The following FIGLA variants were observed in gnomAD, a reference collection of about 807,000 sequenced individuals.
FIGLA encodes factor in the germline alpha.
Under a neutral mutation model 21.5 loss-of-function variants are expected in FIGLA, and 17 were observed. The observed-to-expected ratio is 0.79, with a 90% CI of 0.54 to 1.19. The LOEUF (loss-of-function observed/expected upper bound fraction) is 1.19, where lower values mean the gene tolerates loss of function less well. FIGLA is among the 50% of genes most tolerant of loss of function. The pLI, the probability that FIGLA is intolerant of heterozygous loss-of-function variation, is 0.00. For synonymous variants in FIGLA, 129 were observed against 117.6 expected (o/e 1.10, Z -0.63); for missense variants, 282 against 285.0 (o/e 0.99, Z 0.08).
chr2:70,780,091 A>G lies in FIGLA; in HGVS notation c.610-2420T>C, dbSNP rs182059126. 5.3e-5 allele frequency among the ~76,000 whole-genome samples: 8 copies of G among 152,244 alleles called. No homozygotes were observed. In the East Asian group the frequency reaches 1.5e-3, roughly 29 times the overall value. ...TCTCTGTCTGCACGAATACTTGCCA[A>G]TTCATTCCCCGAGTGAACTTCTGGG... On this transcript the variant is annotated intron_variant, in intron 3 of 4. Coordinates refer to ENST00000332372, the MANE Select transcript of FIGLA (RefSeq NM_001004311.3).
intron 3 of FIGLA, among the ~76,000 whole-genome samples, chr2:70,781,615 A>G (rs970860190): frequency 1.3e-5 from 2 of 152,238 alleles, no homozygotes; most frequent in African/African-American, 4.8e-5. Context: ...CTCAGCAAAA[A>G]GCAGAGGAAC....
intron 4 of FIGLA, 26 bp from the exon 5 acceptor site, chr2:70,777,408 TA>T: frequency 6.9e-7 from 1 of 1,449,860 alleles, no homozygotes; most frequent in Non-Finnish European, 9.2e-7. Flanking sequence ...CATTCCATTA[TA>T]AATAGTTAAA....
intron 3 of FIGLA, among the ~76,000 whole-genome samples, chr2:70,779,566 G>T (rs367986258): frequency 1.3e-5 from 2 of 152,136 alleles, no homozygotes. Context: ...ACAGATTACC[G>T]CAACTTGGAA....
chr2:70,785,631 G>T lies in FIGLA; in HGVS notation c.393C>A (p.Asp131Glu). The change falls in exon 3 of 5, where the codon GAC becomes GAA. Residue 131 changes from aspartate (D) to glutamate (E), a missense_variant. Coordinates refer to ENST00000332372, the MANE Select transcript of FIGLA (RefSeq NM_001004311.3). ...LEGAKDSKKQ[D>E]PDEQSYSNNS... ...TGTTACTATAGCTCTGCTCATCTGG[G>T]TCTTGTTTCTGGAAACCATATTTAG... 2.5e-6 allele frequency: 4 copies of T among 1,613,138 alleles called. No individual in the cohort carries two copies. Among genetic ancestry groups the T allele is most frequent in the Non-Finnish European group, 3.4e-6 (4 of 1,179,202 alleles).
At position 70,785,447 on chromosome 2, in the gene FIGLA, T is replaced by TAGACTGAA; in HGVS notation, c.576_577insTTCAGTCT (p.Thr193PhefsTer20). On this transcript the variant is annotated frameshift_variant, in exon 3 of 5. Transcript: ENST00000332372. LOFTEE classifies it high-confidence loss of function. ...CTGGTTGGGGAGATAATTTCAGTCG[T>TAGACTGAA]AGACATCACACTGTGGCGACAAGCG... 1 of 1,613,886 alleles carries TAGACTGAA rather than the reference T, an allele frequency of 6.2e-7. No individual in the cohort carries two copies.
intron 1 of FIGLA, 74 bp from the exon 2 acceptor site, chr2:70,787,875 G>A (rs369592473): frequency 1.3e-5 from 19 of 1,509,350 alleles, no homozygotes; most frequent in African/African-American, 9.8e-5. Context: ...TACAGAAGGG[G>A]GTTGTTTCCA....
intron 3 of FIGLA, among the ~76,000 whole-genome samples, chr2:70,784,078 A>C (rs189593374): frequency 8.6e-5 from 13 of 151,506 alleles, no homozygotes; most frequent in Admixed American, 8.5e-4. Flanking sequence ...TTGACTGGCC[A>C]GCGAAATCTT....
intron 3 of FIGLA, among the ~76,000 whole-genome samples, chr2:70,780,225 GACCCCATCT>G (rs1553388922): frequency 6.6e-6 from 1 of 152,032 alleles, no homozygotes; most frequent in African/African-American, 2.4e-5. Flanking sequence ...AGCCTGCTCT[GACCCCATCT>G]CCAAATCCCC....
rs1676038354 is a variant in FIGLA at position 70,790,352 on chromosome 2, G to A, written c.231+56C>T. On this transcript the variant is annotated intron_variant, in intron 1 of 4. Coordinates refer to ENST00000332372, the MANE Select transcript of FIGLA (RefSeq NM_001004311.3). ...GCGGACCCCCGGGTGTTGACCAGGTGTTTGGTGGTAGAGCAGGGAAGGGGG... is the reference window on the plus strand; with the variant it reads ...GCGGACCCCCGGGTGTTGACCAGGTATTTGGTGGTAGAGCAGGGAAGGGGG... 6.9e-6 allele frequency: 10 copies of A among 1,459,120 alleles called. No individual in the cohort carries two copies. In the South Asian group the frequency reaches 8.0e-5, roughly 12 times the overall value. 90.4% of individuals were successfully genotyped at this position (1,459,120 alleles called of 1,614,324 possible).
intron 1 of FIGLA, among the ~76,000 whole-genome samples, 175 bp downstream of exon 1, chr2:70,790,233 G>T (rs1177862253): frequency 6.6e-6 from 1 of 152,234 alleles, no homozygotes; most frequent in Non-Finnish European, 1.5e-5. Context: ...GCACGGAGGT[G>T]CAGAAGAAGG....
At chr2:70,790,342 T>C in intron 1 of FIGLA, 66 bp downstream of exon 1, 1 of 1,429,354 alleles carries the variant, frequency 7.0e-7, no homozygotes, top group Non-Finnish European at 9.2e-7. Flanking sequence ...CCCCCGGGTG[T>C]TGACCAGGTG....
At chr2:70,777,808 T>C in intron 3 of FIGLA, 137 bp from the exon 4 acceptor site, 1 of 481,110 alleles carries the variant, frequency 2.1e-6, no homozygotes, top group African/African-American at 2.0e-5. Context: ...AACATGCCAG[T>C]GATAGAAAAA....
intron 2 of FIGLA, among the ~76,000 whole-genome samples, chr2:70,786,478 G>C (rs1260457743): frequency 2.0e-5 from 3 of 151,946 alleles, no homozygotes; most frequent in Non-Finnish European, 4.4e-5. Context: ...TAATTTTTTT[G>C]TATTTTTAGT....
At chr2:70,779,107 T>C (rs1675811276) in intron 3 of FIGLA, among the ~76,000 whole-genome samples, 1 of 152,304 alleles carries the variant, frequency 6.6e-6, no homozygotes, top group Admixed American at 6.5e-5. Flanking sequence ...GGGCTATAAA[T>C]GCAGTCGCCG....
chr2:70,785,370 T>G lies in FIGLA; in HGVS notation c.609+45A>C, dbSNP rs1240519166. ...GACTCATATCTCAAAGTATACATTT[T>G]AAGGTTCTGATATCTGTATGGGTAT... On this transcript the variant is annotated intron_variant, in intron 3 of 4. Coordinates refer to ENST00000332372, the MANE Select transcript of FIGLA (RefSeq NM_001004311.3). The G allele has an allele frequency of 2.8e-6, 4 of 1,422,764 alleles. No individual in the cohort carries two copies. In the African/African-American group the frequency reaches 4.3e-5, roughly 15 times the overall value. 88.1% of individuals were successfully genotyped at this position (1,422,764 alleles called of 1,614,324 possible).
chr2:70,784,375 T>G (rs1409002988), intron 3 of FIGLA, among the ~76,000 whole-genome samples: 1 of 152,200 alleles, frequency 6.6e-6, no homozygotes, highest in South Asian at 2.1e-4. Flanking sequence ...TCAAGAGAAG[T>G]TGGTATCTAT....
At chr2:70,781,202 G>A (rs1197878258) in intron 3 of FIGLA, among the ~76,000 whole-genome samples, 4 of 152,158 alleles carry the variant, frequency 2.6e-5, no homozygotes, top group Middle Eastern at 3.2e-3. Flanking sequence ...GAGTGTTAAA[G>A]TTCAAGTGGG....
intron 2 of FIGLA, among the ~76,000 whole-genome samples, chr2:70,786,846 C>T (rs182394211): frequency 6.6e-6 from 1 of 152,250 alleles, no homozygotes; most frequent in Admixed American, 6.5e-5. Flanking sequence ...TTTATGACCC[C>T]ATCTTGTTCC....
chr2:70,787,588 C>T (rs138840869), intron 2 of FIGLA, 61 bp downstream of exon 2: 71 of 1,463,820 alleles, frequency 4.9e-5, no homozygotes, highest in African/African-American at 1.3e-4. Context: ...CACAGTGTCT[C>T]GTACATAGAA....
Sources: allele counts gnomAD v4.1 joint callset (sites outside exome capture counted in the v4.1 genomes callset), GRCh38; gene constraint gnomAD v4.1.1; transcripts MANE v1.5; gene names NCBI Gene and HGNC (gene_info 2026-07-23, HGNC 2026-07-21).